SYTL5: variants seen among roughly 807,000 people sequenced by gnomAD.
SYTL5 encodes synaptotagmin like 5, also known as synaptotagmin-like protein 5.
SYTL5 carries 34 observed loss-of-function variants against 55.9 expected under a neutral mutation model. The observed-to-expected ratio is 0.61, with a 90% CI of 0.46 to 0.81. The LOEUF is 0.81. Among genes scored for constraint, SYTL5 ranks in the 30% least tolerant of loss-of-function variants. SYTL5 has a pLI of 0.00. For synonymous variants in SYTL5, 221 were observed against 188.7 expected (o/e 1.17, Z -1.40); for missense variants, 637 against 546.7 (o/e 1.17, Z -1.65).
At chrX:37,900,165 CT>C in the SYTL5 span, among the ~76,000 whole-genome samples, 2 of 111,676 alleles carry the variant, frequency 1.8e-5, no homozygotes, top group African/African-American at 6.5e-5. Flanking sequence ...GGGCTTACCT[CT>C]TTTATTTACT....
At chrX:37,976,329 A>G in the SYTL5 span, among the ~76,000 whole-genome samples, 1 of 112,245 alleles carries the variant, frequency 8.9e-6, no homozygotes, top group Admixed American at 9.4e-5. Context: ...AGAAGAAAAC[A>G]CTGTGACCCA....
At chrX:37,964,573 G>T in the SYTL5 span, among the ~76,000 whole-genome samples, 1 of 110,757 alleles carries the variant, frequency 9.0e-6, no homozygotes, top group Non-Finnish European at 1.9e-5. Context: ...AGGTATCTTT[G>T]GTTTTGGTTA....
intron 2 of SYTL5, among the ~76,000 whole-genome samples, chrX:38,052,520 T>C (rs777047805): frequency 1.8e-5 from 2 of 112,067 alleles, no homozygotes; most frequent in Non-Finnish European, 3.8e-5. Flanking sequence ...GGCTGAGAAA[T>C]AAATGACCTG....
chrX:37,973,549 C>T, the SYTL5 span, among the ~76,000 whole-genome samples: 2 of 111,780 alleles, frequency 1.8e-5, no homozygotes, highest in African/African-American at 6.5e-5. Flanking sequence ...CCATTCCCCA[C>T]TCCCACCAGC....
At chrX:38,022,891 T>C (rs1934606374) in intron 1 of SYTL5, among the ~76,000 whole-genome samples, 1 of 111,503 alleles carries the variant, frequency 9.0e-6, no homozygotes, top group African/African-American at 3.3e-5. Context: ...GTCTTACAAA[T>C]AGGAAGATCT....
At chrX:38,040,646 A>T (rs73465434) in intron 2 of SYTL5, among the ~76,000 whole-genome samples, 3,586 of 111,617 alleles carry the variant, frequency 0.032, 137 homozygotes, top group African/African-American at 0.11. Flanking sequence ...TGTTGTTGCA[A>T]ATGACTGGAT....
intron 7 of SYTL5, 34 bp from the exon 8 acceptor site, chrX:38,094,261 T>C (rs1383454643): frequency 1.7e-6 from 2 of 1,155,894 alleles, no homozygotes; most frequent in Non-Finnish European, 1.2e-6. Flanking sequence ...TTACAGTCAG[T>C]ATAATTTTTT....
the SYTL5 span, among the ~76,000 whole-genome samples, chrX:37,959,980 T>C: frequency 2.7e-5 from 3 of 111,744 alleles, no homozygotes; most frequent in Non-Finnish European, 5.6e-5. Flanking sequence ...TTATGTCTCA[T>C]ACCGTTTAGA....
intron 1 of SYTL5, among the ~76,000 whole-genome samples, chrX:38,013,518 G>T (rs963002238): frequency 7.2e-5 from 8 of 111,529 alleles, no homozygotes; most frequent in African/African-American, 2.3e-4. Flanking sequence ...CGTGACTCAA[G>T]AACTATTCAA....
chrX:38,110,490 A>T lies in SYTL5; in HGVS notation c.1596+8A>T, dbSNP rs778586026. The stretch of plus-strand genomic sequence containing the variant: ...TTTGTGCTTCAACCCAAGGTAGGAA[A>T]TGCTCTCAGATTAGTCAGTTATGCA... On this transcript the variant is annotated splice_region_variant and intron_variant, in intron 13 of 16. Transcript: ENST00000297875. 5.1e-6 allele frequency: 6 copies of T among 1,175,350 alleles called. No homozygotes were observed. In the Admixed American group the frequency reaches 6.8e-5, roughly 13 times the overall value.
chrX:38,125,581 G>C, intron 16 of SYTL5, 75 bp downstream of exon 16: 2 of 753,546 alleles, frequency 2.7e-6, no homozygotes, highest in Non-Finnish European at 4.1e-6. Context: ...CAGATGTGAT[G>C]TGCAGTGGAT....
the SYTL5 span, among the ~76,000 whole-genome samples, chrX:37,909,970 T>C: frequency 9.0e-6 from 1 of 111,524 alleles, no homozygotes; most frequent in East Asian, 2.8e-4. Flanking sequence ...TCATCATGCC[T>C]GGCTGGAGAG....
chrX:37,937,784 A>G, the SYTL5 span, among the ~76,000 whole-genome samples: 3 of 112,507 alleles, frequency 2.7e-5, no homozygotes, highest in Non-Finnish European at 5.6e-5. Context: ...CCATGATCAC[A>G]TGAGTGAGCT....
chrX:37,939,229 C>G, the SYTL5 span, among the ~76,000 whole-genome samples: 1 of 107,124 alleles, frequency 9.3e-6, no homozygotes, highest in African/African-American at 3.4e-5. Flanking sequence ...CCATTGCACT[C>G]CAGCCTAGGC....
chrX:38,051,726 T>C (rs1047881539), intron 2 of SYTL5, among the ~76,000 whole-genome samples: 1 of 111,579 alleles, frequency 9.0e-6, no homozygotes, highest in Non-Finnish European at 1.9e-5. Context: ...TTGAAATATT[T>C]GGTGATGGGA....
the SYTL5 span, chrX:37,906,199 A>AG: frequency 1.8e-5 from 2 of 111,517 alleles, no homozygotes; most frequent in Non-Finnish European, 3.8e-5. Flanking sequence ...ACTCGCGGGG[A>AG]GGGGGTCTTC....
chrX:38,001,078 C>T, the SYTL5 span, among the ~76,000 whole-genome samples: 2 of 110,925 alleles, frequency 1.8e-5, no homozygotes, highest in African/African-American at 6.6e-5. Context: ...GAAAAAATGT[C>T]TGTCCTCACC....
the SYTL5 span, among the ~76,000 whole-genome samples, chrX:37,930,934 T>C: frequency 8.9e-6 from 1 of 111,893 alleles, no homozygotes; most frequent in Non-Finnish European, 1.9e-5. Flanking sequence ...CCTCTAGTTG[T>C]CTCATGTTTG....
intron 10 of SYTL5, chrX:38,103,062 C>T (rs1468492609): frequency 1.6e-5 from 19 of 1,159,019 alleles, no homozygotes; most frequent in Non-Finnish European, 1.8e-5. Flanking sequence ...GTGGACCTAC[C>T]TAAATGTGCC....
Sources: gnomAD v4.1 joint callset for allele counts (sites outside exome capture counted in the v4.1 genomes callset) on GRCh38, gnomAD v4.1.1 for gene constraint, MANE v1.5 for transcripts, NCBI Gene and HGNC (gene_info 2026-07-23, HGNC 2026-07-21) for gene names.